Variants in TEX36 observed in about 807,000 individuals in gnomAD.
TEX36 encodes testis expressed 36, also known as testis-expressed protein 36.
A neutral mutation model predicts 13.6 loss-of-function variants in TEX36; 12 were observed. That is an observed-to-expected ratio of 0.88 (90% CI 0.56 to 1.43). The LOEUF (loss-of-function observed/expected upper bound fraction) is 1.43, where lower values mean the gene tolerates loss of function less well. Ranked by LOEUF, TEX36 falls within the 40% of genes most tolerant of loss-of-function variation. The pLI is 0.00. For synonymous variants in TEX36, 93 were observed against 83.0 expected (o/e 1.12, Z -0.65); for missense variants, 224 against 228.3 (o/e 0.98, Z 0.12).
chr10:125,681,074 T>C (rs1246745166), intron 1 of TEX36, among the ~76,000 whole-genome samples: 1 of 152,176 alleles, frequency 6.6e-6, no homozygotes, highest in Non-Finnish European at 1.5e-5. Flanking sequence ...CAGGAAAGTA[T>C]TGTTTTCCTG....
intron 3 of TEX36, among the ~76,000 whole-genome samples, chr10:125,611,867 AG>A (rs923123361): frequency 8.6e-5 from 13 of 151,754 alleles, no homozygotes; most frequent in African/African-American, 3.1e-4. Flanking sequence ...ATTGTCCCTC[AG>A]GTCTCTGCTT....
At chr10:125,663,111 C>A (rs573297976) in intron 1 of TEX36, among the ~76,000 whole-genome samples, 1 of 152,226 alleles carries the variant, frequency 6.6e-6, no homozygotes, top group Non-Finnish European at 1.5e-5. Flanking sequence ...TCTCCTATCT[C>A]CTAGGTGAGC....
intron 3 of TEX36, among the ~76,000 whole-genome samples, chr10:125,605,671 C>A (rs780784670): frequency 2.6e-5 from 4 of 152,052 alleles, no homozygotes; most frequent in Non-Finnish European, 5.9e-5. Context: ...GTGCCATCTC[C>A]GCTCACTGCA....
At chr10:125,647,403 C>T (rs186907827) in intron 3 of TEX36, among the ~76,000 whole-genome samples, 17 of 152,230 alleles carry the variant, frequency 1.1e-4, no homozygotes, top group Admixed American at 2.6e-4. Flanking sequence ...TGGATATAAG[C>T]GGGAGAGTGG....
At chr10:125,640,476 T>G (rs1337596561) in intron 3 of TEX36, among the ~76,000 whole-genome samples, 2 of 152,168 alleles carry the variant, frequency 1.3e-5, no homozygotes, top group Admixed American at 1.3e-4. Context: ...GACAGGGGGT[T>G]GATTTGTTGT....
chr10:125,672,522 C>T (rs1047112310), intron 1 of TEX36, among the ~76,000 whole-genome samples: 22 of 152,190 alleles, frequency 1.4e-4, no homozygotes, highest in African/African-American at 5.1e-4. Context: ...ACTTCTTTTG[C>T]ATTTGCCGAG....
intron 3 of TEX36, among the ~76,000 whole-genome samples, chr10:125,613,387 G>A (rs780120691): frequency 6.7e-5 from 10 of 148,520 alleles, no homozygotes; most frequent in Non-Finnish European, 1.2e-4. Flanking sequence ...CCACTAACTC[G>A]TCATCTAGCA....
intron 3 of TEX36, among the ~76,000 whole-genome samples, chr10:125,609,689 T>C (rs1846266953): frequency 6.6e-6 from 1 of 152,188 alleles, no homozygotes; most frequent in Non-Finnish European, 1.5e-5. Flanking sequence ...TTGCCCTGTT[T>C]ATATGAGCAA....
intron 3 of TEX36, among the ~76,000 whole-genome samples, chr10:125,627,671 G>T (rs1297996233): frequency 6.6e-6 from 1 of 152,136 alleles, no homozygotes; most frequent in African/African-American, 2.4e-5. Flanking sequence ...TTAATATTTT[G>T]TTCAACAAAT....
chr10:125,618,942 T>TAAAAAAAA (rs11452140), downstream of TEX36, among the ~76,000 whole-genome samples: 28 of 43,584 alleles, frequency 6.4e-4, no homozygotes, highest in African/African-American at 2.1e-3. Flanking sequence ...CCGTCTCTAC[T>TAAAAAAAA]AAAAAAAAAA....
At chr10:125,640,377 A>T (rs1188555940) in intron 3 of TEX36, among the ~76,000 whole-genome samples, 1 of 152,162 alleles carries the variant, frequency 6.6e-6, no homozygotes, top group Non-Finnish European at 1.5e-5. Context: ...CACACGCTAC[A>T]CCTAACAGAT....
At chr10:125,637,725 T>C (rs1846638441) in intron 3 of TEX36, among the ~76,000 whole-genome samples, 1 of 152,128 alleles carries the variant, frequency 6.6e-6, no homozygotes, top group African/African-American at 2.4e-5. Context: ...GGGACCCCTG[T>C]GGTGAGCTCC....
chr10:125,653,793 A>G (rs1846901538), downstream of TEX36, among the ~76,000 whole-genome samples: 1 of 152,210 alleles, frequency 6.6e-6, no homozygotes, highest in Non-Finnish European at 1.5e-5. Flanking sequence ...AGCCTGGGCA[A>G]CATAGCTAGA....
chr10:125,667,635 C>T, intron 1 of TEX36: 1 of 721,968 alleles, frequency 1.4e-6, no homozygotes. Flanking sequence ...ACCTTGCTGC[C>T]CCCAACACCA....
chr10:125,594,597 A>G (rs1846059058), intron 3 of TEX36, among the ~76,000 whole-genome samples: 1 of 152,232 alleles, frequency 6.6e-6, no homozygotes, highest in Non-Finnish European at 1.5e-5. Context: ...CATTTTTAGA[A>G]ATGTAAACAC....
At chr10:125,580,088 G>A (rs1467439651) in intron 3 of TEX36, among the ~76,000 whole-genome samples, 1 of 152,188 alleles carries the variant, frequency 6.6e-6, no homozygotes, top group Non-Finnish European at 1.5e-5. Context: ...GCTCTGAAAA[G>A]GCATGGTCTG....
chr10:125,614,204 G>A (rs1165839345), intron 3 of TEX36, among the ~76,000 whole-genome samples: 1 of 152,106 alleles, frequency 6.6e-6, no homozygotes, highest in African/African-American at 2.4e-5. Context: ...TGAGTAGGTT[G>A]CGAAAATTTT....
At chr10:125,646,683 G>A (rs1332548769) in intron 3 of TEX36, among the ~76,000 whole-genome samples, 1 of 152,014 alleles carries the variant, frequency 6.6e-6, no homozygotes, top group Non-Finnish European at 1.5e-5. Flanking sequence ...GACTTGAAGA[G>A]CCTTAAAAAA....
intron 3 of TEX36, among the ~76,000 whole-genome samples, chr10:125,602,456 C>T (rs1846161734): frequency 6.6e-6 from 1 of 152,214 alleles, no homozygotes; most frequent in African/African-American, 2.4e-5. Context: ...CACCTTCCGC[C>T]CCGTCTCGTG....
Sources: allele counts gnomAD v4.1 joint callset (sites outside exome capture counted in the v4.1 genomes callset), GRCh38; gene constraint gnomAD v4.1.1; transcripts MANE v1.5; gene names NCBI Gene and HGNC (gene_info 2026-07-23, HGNC 2026-07-21).